The following PSMG2 variants were observed in gnomAD, a reference collection of about 807,000 sequenced individuals.
PSMG2 encodes proteasome assembly chaperone 2.
PSMG2 carries 21 observed loss-of-function variants against 31.5 expected under a neutral mutation model. That is an observed-to-expected ratio of 0.67 (90% CI 0.47 to 0.96). PSMG2 has a LOEUF of 0.96. PSMG2 is among the 40% of genes least tolerant of loss of function. PSMG2 has a pLI of 0.00. For synonymous variants in PSMG2, 120 were observed against 110.4 expected, an observed-to-expected ratio of 1.09 and a Z score of -0.54; for missense variants, 318 against 321.2, an observed-to-expected ratio of 0.99 and a Z score of 0.08.
At chr18:12,675,798 A>G (rs369758975) in intron 1 of PSMG2, among the ~76,000 whole-genome samples, 3 of 152,036 alleles carry the variant, frequency 2.0e-5, no homozygotes, top group African/African-American at 7.2e-5. Context: ...ACTCCTGAGT[A>G]GCTGGGACTA....
upstream of PSMG2, chr18:12,701,094 A>G: frequency 6.2e-7 from 1 of 1,612,964 alleles, no homozygotes; most frequent in Non-Finnish European, 8.5e-7. Context: ...GATTTCTCTT[A>G]TTCTACCATG....
upstream of PSMG2, chr18:12,703,021 G>A (rs772800039): frequency 4.2e-5 from 62 of 1,476,284 alleles, no homozygotes; most frequent in Non-Finnish European, 5.2e-5. Flanking sequence ...GCCCCGCGAG[G>A]CTCCGGGGTC....
chr18:12,708,505 C>T (rs939224222), intron 2 of PSMG2, among the ~76,000 whole-genome samples: 10 of 151,636 alleles, frequency 6.6e-5, no homozygotes, highest in Non-Finnish European at 1.0e-4. Context: ...GCTGGGATTA[C>T]AGGCATGTGC....
chr18:12,669,225 G>C (rs1011095398), intron 1 of PSMG2, among the ~76,000 whole-genome samples: 5 of 151,726 alleles, frequency 3.3e-5, no homozygotes, highest in African/African-American at 1.2e-4. Flanking sequence ...CGATTCTCCT[G>C]TCTCAGCCTC....
chr18:12,668,288 C>A (rs1217877960), intron 1 of PSMG2, among the ~76,000 whole-genome samples: 3 of 150,586 alleles, frequency 2.0e-5, no homozygotes, highest in Non-Finnish European at 4.4e-5. Flanking sequence ...CCCACCGCCA[C>A]TGGCCAAAAA....
At chr18:12,691,588 A>C (rs940382050) in intron 1 of PSMG2, 5 of 781,826 alleles carry the variant, frequency 6.4e-6, no homozygotes, top group South Asian at 2.1e-5. Flanking sequence ...TTACCACCCT[A>C]ATCTGAGTCA....
intron 2 of PSMG2, among the ~76,000 whole-genome samples, chr18:12,711,833 A>G (rs2040335414): frequency 7.0e-6 from 1 of 143,668 alleles, no homozygotes; most frequent in Non-Finnish European, 1.5e-5. Context: ...TGCTCACTGC[A>G]AGCTCCGCCC....
intron 1 of PSMG2, among the ~76,000 whole-genome samples, chr18:12,675,250 G>C (rs2039081289): frequency 6.6e-6 from 1 of 152,078 alleles, no homozygotes; most frequent in Non-Finnish European, 1.5e-5. Flanking sequence ...CAAAAAATGA[G>C]TTGGGCGTGG....
At chr18:12,698,370 T>C (rs1363815592), upstream of PSMG2, among the ~76,000 whole-genome samples, 2 of 152,064 alleles carry the variant, frequency 1.3e-5, no homozygotes, top group South Asian at 2.1e-4. Flanking sequence ...GGTTTCGACA[T>C]GTTGGCTAGG....
intron 1 of PSMG2, among the ~76,000 whole-genome samples, chr18:12,669,918 A>G (rs905926104): frequency 2.4e-5 from 2 of 83,294 alleles, no homozygotes; most frequent in Non-Finnish European, 5.2e-5. Context: ...AATCACTTGA[A>G]CCCAGGAGGC....
At chr18:12,659,462 T>C (rs1051848991) in intron 1 of PSMG2, among the ~76,000 whole-genome samples, 6 of 151,684 alleles carry the variant, frequency 4.0e-5, no homozygotes, top group African/African-American at 1.5e-4. Flanking sequence ...AGGTCAGGAG[T>C]TCGAGACCAG....
chr18:12,705,249 A>C (rs2040252734), intron 1 of PSMG2, among the ~76,000 whole-genome samples: 1 of 152,096 alleles, frequency 6.6e-6, no homozygotes, highest in African/African-American at 2.4e-5. Flanking sequence ...TTTTTGGTAG[A>C]GACAGGGTTT....
intron 1 of PSMG2, chr18:12,680,675 A>C: frequency 1.2e-6 from 2 of 1,611,134 alleles, no homozygotes; most frequent in Non-Finnish European, 1.7e-6. Flanking sequence ...TGTCCTGTTA[A>C]ACTCTCCCAA....
chr18:12,662,492 G>C (rs1037146433), intron 1 of PSMG2, among the ~76,000 whole-genome samples: 1 of 152,162 alleles, frequency 6.6e-6, no homozygotes, highest in Non-Finnish European at 1.5e-5. Flanking sequence ...ATAAAGTCCT[G>C]AGCCCGGCCA....
chr18:12,724,773 A>G (rs2040460169), intron 6 of PSMG2, 154 bp downstream of exon 6: 1 of 860,048 alleles, frequency 1.2e-6, no homozygotes, highest in Admixed American at 4.2e-5. Context: ...ACTTTTGAAA[A>G]TTAGAGGACA....
intron 2 of PSMG2, among the ~76,000 whole-genome samples, chr18:12,710,722 C>A (rs977574783): frequency 6.6e-6 from 1 of 152,096 alleles, no homozygotes; most frequent in African/African-American, 2.4e-5. Context: ...TGTTTTGGGG[C>A]AGAATACAGA....
intron 3 of PSMG2, among the ~76,000 whole-genome samples, chr18:12,713,907 A>G (rs2040354088): frequency 6.6e-6 from 1 of 151,906 alleles, no homozygotes; most frequent in African/African-American, 2.4e-5. Context: ...ACACGCCACC[A>G]CACTGGCTAA....
intron 1 of PSMG2, among the ~76,000 whole-genome samples, chr18:12,682,132 T>G (rs1192492100): frequency 6.6e-6 from 1 of 152,174 alleles, no homozygotes; most frequent in Non-Finnish European, 1.5e-5. Context: ...AAAATAACTA[T>G]TTGAGTTGAG....
At chr18:12,720,798 T>A in intron 5 of PSMG2, 115 bp downstream of exon 5, 5 of 1,053,406 alleles carry the variant, frequency 4.7e-6, no homozygotes, top group Non-Finnish European at 6.6e-6. Flanking sequence ...AGACTCTGTC[T>A]CAAACAAAAA....
Sources: gnomAD v4.1 joint callset for allele counts (sites outside exome capture counted in the v4.1 genomes callset) on GRCh38, gnomAD v4.1.1 for gene constraint, MANE v1.5 for transcripts, NCBI Gene and HGNC (gene_info 2026-07-23, HGNC 2026-07-21) for gene names.